Variants in KIF5C observed in about 807,000 individuals in gnomAD.
KIF5C encodes kinesin family member 5C, also known as kinesin heavy chain isoform 5C.
In KIF5C, 18 loss-of-function variants were observed where a neutral mutation model predicts 125.2. That is an observed-to-expected ratio of 0.14 (90% CI 0.10 to 0.21). KIF5C has a LOEUF of 0.21. KIF5C is among the 10% of genes least tolerant of loss of function. The probability of loss-of-function intolerance (pLI) is 1.00; values close to 1 mark genes in which losing one functional copy is unlikely to be tolerated. For missense variants in KIF5C, 780 were observed against 1,183.8 expected (o/e 0.66, Z 5.01); for synonymous variants, 405 against 434.0 (o/e 0.93, Z 0.83).
chr2:148,985,311 T>A (rs1681350554), intron 15 of KIF5C, among the ~76,000 whole-genome samples: 1 of 152,162 alleles, frequency 6.6e-6, no homozygotes, highest in Non-Finnish European at 1.5e-5. Flanking sequence ...AACAAAAAGC[T>A]TTATTGAGGT....
intron 10 of KIF5C, among the ~76,000 whole-genome samples, chr2:148,951,463 C>T (rs1024323824): frequency 1.3e-5 from 2 of 152,116 alleles, no homozygotes; most frequent in Admixed American, 6.5e-5. Context: ...TTACCTACCC[C>T]CTCCCACTGT....
At chr2:149,009,829 C>T (rs1682129150) in intron 23 of KIF5C, among the ~76,000 whole-genome samples, 1 of 152,134 alleles carries the variant, frequency 6.6e-6, no homozygotes, top group African/African-American at 2.4e-5. Flanking sequence ...ACACAATCCC[C>T]CTTTCCTCTA....
intron 10 of KIF5C, among the ~76,000 whole-genome samples, chr2:148,960,998 C>G (rs1487514403): frequency 2.6e-5 from 4 of 152,076 alleles, no homozygotes; most frequent in Admixed American, 2.6e-4. Flanking sequence ...TTTGGTATCA[C>G]TTGGTGCAGC....
intron 4 of KIF5C, among the ~76,000 whole-genome samples, chr2:148,939,865 T>A (rs1249201853): frequency 6.6e-6 from 1 of 152,194 alleles, no homozygotes; most frequent in Non-Finnish European, 1.5e-5. Flanking sequence ...GCCTATTTAT[T>A]TTTCTTCCGC....
At chr2:148,987,056 G>C (rs567023701) in intron 15 of KIF5C, among the ~76,000 whole-genome samples, 1 of 152,266 alleles carries the variant, frequency 6.6e-6, no homozygotes, top group African/African-American at 2.4e-5. Flanking sequence ...CAGCCTGCAG[G>C]GTGGCCACTC....
chr2:148,879,992 T>C (rs1681301852), intron 1 of KIF5C: 1 of 152,220 alleles, frequency 6.6e-6, no homozygotes, highest in Non-Finnish European at 1.5e-5. Flanking sequence ...AATCCGCGCC[T>C]GAGTTAGGAT....
At chr2:148,959,429 G>GT (rs1413530433) in intron 10 of KIF5C, among the ~76,000 whole-genome samples, 1 of 151,620 alleles carries the variant, frequency 6.6e-6, no homozygotes, top group African/African-American at 2.4e-5. Context: ...ACCCCTTAGG[G>GT]TTTTTTTGGG....
intron 21 of KIF5C, among the ~76,000 whole-genome samples, chr2:149,004,209 G>C (rs1014836978): frequency 6.6e-6 from 1 of 152,226 alleles, no homozygotes; most frequent in Non-Finnish European, 1.5e-5. Flanking sequence ...CCAGTAATAA[G>C]ACCTTAAATT....
chr2:148,950,294 C>T lies in KIF5C; in HGVS notation c.820-20C>T. 1 of 1,610,718 alleles carries T rather than the reference C, an allele frequency of 6.2e-7. No individual in the cohort carries two copies. Among genetic ancestry groups the T allele is most frequent in the Non-Finnish European group, 8.5e-7 (1 of 1,177,628 alleles). ...TCAGAATGGGCTGTCAAAACCAATA[C>T]TTTTTCTTTTCCTAAATAGAAAACA... On this transcript the variant is annotated intron_variant, in intron 9 of 25. Coordinates refer to ENST00000435030, the MANE Select transcript of KIF5C (RefSeq NM_004522.3).
intron 11 of KIF5C, among the ~76,000 whole-genome samples, chr2:148,962,541 G>A (rs1211924711): frequency 6.6e-6 from 1 of 151,974 alleles, no homozygotes; most frequent in Non-Finnish European, 1.5e-5. Context: ...GAAAGTTGGG[G>A]CAATGGTGCA....
intron 19 of KIF5C, among the ~76,000 whole-genome samples, chr2:148,999,448 G>T (rs997180446): frequency 6.6e-6 from 1 of 152,206 alleles, no homozygotes; most frequent in African/African-American, 2.4e-5. Context: ...CTCGAAAGGT[G>T]CATTTGCATT....
chr2:148,883,844 C>A (rs1010167211), intron 1 of KIF5C: 1 of 151,990 alleles, frequency 6.6e-6, no homozygotes, highest in Non-Finnish European at 1.5e-5. Flanking sequence ...AGTCCACATA[C>A]CTCCTTGTGG....
rs139017458 is a variant in KIF5C at position 148,942,827 on chromosome 2, G to T, written c.589+67G>T. 2.3e-3 allele frequency: 3,521 copies of T among 1,561,216 alleles called. 21 individuals are homozygous for T. The highest frequency in any genetic ancestry group is 1.8e-3 in the Non-Finnish European group (2,085 of 1,151,840). ...ACAGATATCTGCCCACCAACCGAGG[G>T]GGGTGGGGAATTAGGTACAAATGAA... On this transcript the variant is annotated intron_variant, in intron 7 of 25. Coordinates refer to ENST00000435030, the MANE Select transcript of KIF5C (RefSeq NM_004522.3).
intron 12 of KIF5C, among the ~76,000 whole-genome samples, chr2:148,976,245 TTTTATTTATTTA>T (rs145613004): frequency 1.7e-4 from 24 of 143,936 alleles, no homozygotes; most frequent in Admixed American, 4.2e-4. Context: ...TATTATTTTG[TTTTATTTATTTA>T]TTTATTTATT....
intron 1 of KIF5C, among the ~76,000 whole-genome samples, chr2:148,909,084 A>T (rs1196422709): frequency 1.3e-5 from 2 of 152,194 alleles, no homozygotes; most frequent in East Asian, 3.8e-4. Context: ...CCAAAACAGA[A>T]ACCAGATCAG....
At chr2:148,890,879 A>G (rs564709370) in intron 1 of KIF5C, among the ~76,000 whole-genome samples, 1 of 152,308 alleles carries the variant, frequency 6.6e-6, no homozygotes, top group Non-Finnish European at 1.5e-5. Flanking sequence ...AAAAGGATAA[A>G]TATATGAATA....
In KIF5C at chr2:149,025,005, A is replaced by G. The variant is rs917432712; in HGVS notation, c.*1935A>G. The G allele has an allele frequency of 6.6e-6, 1 of 152,200 alleles. No individual in the cohort carries two copies. Among genetic ancestry groups the G allele is most frequent in the African/African-American group, 2.4e-5 (1 of 41,422 alleles). The allele number at this position is 152,200 out of a possible 1,614,324, so 9.4% of individuals were successfully genotyped here. ...ATTGTCATTACCACTACTCTCCATT[A>G]CTTTTTGTTTGGAAATTGAACAAAG... is the stretch of plus-strand genomic sequence containing the variant. On this transcript the variant is annotated 3_prime_UTR_variant, in exon 26 of 26. Coordinates refer to ENST00000435030, the MANE Select transcript of KIF5C (RefSeq NM_004522.3).
intron 1 of KIF5C, among the ~76,000 whole-genome samples, chr2:148,913,657 C>T (rs534573725): frequency 7.2e-5 from 11 of 152,250 alleles, no homozygotes; most frequent in African/African-American, 2.6e-4. Flanking sequence ...ATGTTGGCAG[C>T]GCCATCATGA....
At position 148,886,778 on chromosome 2, in the gene KIF5C, C is replaced by T. The variant is rs1681539766; in HGVS notation, c.126+11035C>T. ...TTACTTCACTAAAAAACACAACCTG[C>T]TAATTATCTGTTCAAACAAGCGGGA... On this transcript the variant is annotated intron_variant, in intron 1 of 25. Coordinates refer to ENST00000435030, the MANE Select transcript of KIF5C (RefSeq NM_004522.3). Among the ~76,000 whole-genome samples, 5 of 152,134 alleles carry T rather than the reference C, an allele frequency of 3.3e-5. No individual in the cohort carries two copies. In the South Asian group the frequency reaches 1.0e-3, roughly 31 times the overall value.
Sources: gnomAD v4.1 joint callset for allele counts (sites outside exome capture counted in the v4.1 genomes callset) on GRCh38, gnomAD v4.1.1 for gene constraint, MANE v1.5 for transcripts, NCBI Gene and HGNC (gene_info 2026-07-23, HGNC 2026-07-21) for gene names.